Variants in RIN3 observed in about 807,000 individuals in gnomAD.
RIN3 encodes the protein RAB5 interacting protein 3.
A neutral mutation model predicts 76.3 loss-of-function variants in RIN3; 54 were observed. That is an observed-to-expected ratio of 0.71 (90% confidence interval 0.57 to 0.89). The LOEUF is 0.89. Among genes scored for constraint, RIN3 ranks in the 40% least tolerant of loss-of-function variants. The pLI, the probability that RIN3 is intolerant of heterozygous loss-of-function variation, is 0.00. For missense variants in RIN3, 1,256 were observed against 1,322.1 expected, an observed-to-expected ratio of 0.95 and a Z score of 0.78; for synonymous variants, 576 against 564.0, an observed-to-expected ratio of 1.02 and a Z score of -0.30.
At chr14:92,580,159 G>A (rs1264666595) in intron 3 of RIN3, among the ~76,000 whole-genome samples, 1 of 152,212 alleles carries the variant, frequency 6.6e-6, no homozygotes, top group Non-Finnish European at 1.5e-5. Context: ...GGCGGATCAC[G>A]AAGTCAAGAG....
chr14:92,674,983 T>C (rs1595503928), intron 7 of RIN3, among the ~76,000 whole-genome samples: 1 of 152,054 alleles, frequency 6.6e-6, no homozygotes, highest in African/African-American at 2.4e-5. Flanking sequence ...AGGACCATCA[T>C]GAGTCAAACA....
At position 92,664,888 on chromosome 14, in the gene RIN3, A is replaced by C. The variant is rs965217564; in HGVS notation, c.2335+5419A>C. Among the ~76,000 whole-genome samples, 4 of 152,150 alleles carry C rather than the reference A, an allele frequency of 2.6e-5. No homozygotes were observed. In the South Asian group the frequency reaches 8.3e-4, roughly 32 times the overall value. On this transcript the variant is annotated intron_variant, in intron 7 of 9. Transcript: ENST00000216487. ...TTTTTGTCTAAACTTTCAGGTTGTC[A>C]CTTGACCTAATAAGGTCCTTTTTAG... is the stretch of plus-strand genomic sequence containing the variant.
At chr14:92,580,414 G>A (rs1898399865) in intron 3 of RIN3, among the ~76,000 whole-genome samples, 1 of 152,258 alleles carries the variant, frequency 6.6e-6, no homozygotes, top group African/African-American at 2.4e-5. Context: ...GTTCAGCAGA[G>A]AGTTATGGAG....
rs1886251683 is a variant in RIN3, at chr14:92,623,465, A to G, written c.440+7986A>G. Among the ~76,000 whole-genome samples, 3 of 152,218 alleles carry G rather than the reference A, an allele frequency of 2.0e-5. No individual in the cohort carries two copies. The highest frequency in any genetic ancestry group is 4.1e-4 in the South Asian group (2 of 4,828). On this transcript the variant is annotated intron_variant, in intron 4 of 9. Transcript: ENST00000216487. This position sits in a 1 kb window ranked among gnomAD's most constrained non-coding sequence, Gnocchi z 4.9. ...AGCTACATTTTTATTAATAGCTACC[A>G]TTGGAAATAATGATTCAAATCCTGC...
At chr14:92,624,653 C>T (rs772165557) in intron 4 of RIN3, among the ~76,000 whole-genome samples, 1 of 152,066 alleles carries the variant, frequency 6.6e-6, no homozygotes, top group Non-Finnish European at 1.5e-5. Context: ...GAGATCCCCA[C>T]AAGGTATAAC....
chr14:92,626,061 A>T lies in RIN3; in HGVS notation c.440+10582A>T, dbSNP rs183622794. ...TTCCCTTAGTCTTTCTAGAAATTTCATGGGCCCTTCATCTTTTTCCTGTTG... is the reference window on the plus strand; with the variant it reads ...TTCCCTTAGTCTTTCTAGAAATTTCTTGGGCCCTTCATCTTTTTCCTGTTG... On this transcript the variant is annotated intron_variant, in intron 4 of 9. Transcript: ENST00000216487. 2.0e-5 allele frequency among the ~76,000 whole-genome samples: 3 copies of T among 152,288 alleles called. No homozygotes were observed. The East Asian group carries it at 5.8e-4, about 29-fold the overall frequency.
intron 3 of RIN3, among the ~76,000 whole-genome samples, chr14:92,582,718 G>T (rs1475608060): frequency 1.3e-5 from 2 of 152,134 alleles, no homozygotes; most frequent in Non-Finnish European, 2.9e-5. Flanking sequence ...CTCCCAAAGT[G>T]TTGGGATTAC....
intron 2 of RIN3, among the ~76,000 whole-genome samples, chr14:92,570,247 C>G (rs1389258112): frequency 6.6e-6 from 1 of 152,212 alleles, no homozygotes; most frequent in Non-Finnish European, 1.5e-5. Context: ...CCACTGGCTC[C>G]TGCTCTGCCT....
intron 4 of RIN3, among the ~76,000 whole-genome samples, chr14:92,620,327 A>G (rs192858844): frequency 6.6e-6 from 1 of 152,344 alleles, no homozygotes; most frequent in East Asian, 1.9e-4. Flanking sequence ...ATATTCACAA[A>G]CAGTTTACAA....
chr14:92,669,848 C>T (rs1888227569), intron 7 of RIN3, among the ~76,000 whole-genome samples: 1 of 152,112 alleles, frequency 6.6e-6, no homozygotes, highest in African/African-American at 2.4e-5. Flanking sequence ...ACCCTGTGGC[C>T]CCTGAAACTA....
chr14:92,662,207 G>A (rs1186385795), intron 7 of RIN3, among the ~76,000 whole-genome samples: 1 of 152,262 alleles, frequency 6.6e-6, no homozygotes, highest in Non-Finnish European at 1.5e-5. Context: ...AGCCTTCTCA[G>A]AGAGAGGCAG....
intron 1 of RIN3, among the ~76,000 whole-genome samples, chr14:92,549,815 G>T (rs1442398084): frequency 6.6e-6 from 1 of 152,238 alleles, no homozygotes; most frequent in Admixed American, 6.5e-5. Context: ...TGAGCTCATT[G>T]CTCTATTCCC....
intron 1 of RIN3, chr14:92,515,265 C>G: frequency 1.4e-6 from 1 of 699,788 alleles, no homozygotes; most frequent in South Asian, 1.5e-5. Flanking sequence ...GGAAGAGCCC[C>G]CCAACCCTCA....
chr14:92,599,117 G>T (rs1037275690), intron 3 of RIN3, among the ~76,000 whole-genome samples: 6 of 152,172 alleles, frequency 3.9e-5, no homozygotes, highest in African/African-American at 2.4e-5. Flanking sequence ...GGAGCCACTC[G>T]CAGGGCAATG....
intron 3 of RIN3, among the ~76,000 whole-genome samples, chr14:92,583,106 G>T (rs552047438): frequency 6.6e-6 from 1 of 152,308 alleles, no homozygotes; most frequent in East Asian, 1.9e-4. Context: ...TGTCTACACT[G>T]CTTAGGACTT....
At chr14:92,621,061 G>A (rs1886159989) in intron 4 of RIN3, among the ~76,000 whole-genome samples, 1 of 152,044 alleles carries the variant, frequency 6.6e-6, no homozygotes, top group Admixed American at 6.6e-5. Context: ...GACCAAGGCA[G>A]GTGGATCACC....
At chr14:92,658,863 A>G (rs1223848175) in intron 6 of RIN3, among the ~76,000 whole-genome samples, 2 of 152,178 alleles carry the variant, frequency 1.3e-5, no homozygotes, top group African/African-American at 4.8e-5. Flanking sequence ...GAAGTTATGT[A>G]CTCATAGGCA....
intron 7 of RIN3, among the ~76,000 whole-genome samples, chr14:92,674,905 A>G (rs2140167913): frequency 1.3e-5 from 2 of 150,128 alleles, no homozygotes; most frequent in South Asian, 2.1e-4. Context: ...AAAAAAAAAA[A>G]GGGAAAAGAA....
At chr14:92,544,364 T>C (rs1413998838) in intron 1 of RIN3, among the ~76,000 whole-genome samples, 1 of 145,298 alleles carries the variant, frequency 6.9e-6, no homozygotes, top group Admixed American at 6.9e-5. Flanking sequence ...AGCTGTTCTT[T>C]GTCTCCAATG....
Sources: allele counts gnomAD v4.1 joint callset (sites outside exome capture counted in the v4.1 genomes callset), GRCh38; gene constraint gnomAD v4.1.1; non-coding constraint Gnocchi (gnomAD v3.1); transcripts MANE v1.5; gene names NCBI Gene and HGNC (gene_info 2026-07-23, HGNC 2026-07-21).